The following KLRG1 variants were observed in gnomAD, a reference collection of about 807,000 sequenced individuals.
The protein encoded by KLRG1 is killer cell lectin like receptor G1, also known as killer cell lectin-like receptor subfamily G member 1.
KLRG1 carries 16 observed loss-of-function variants against 21.8 expected under a neutral mutation model. That is an observed-to-expected ratio of 0.73 (90% CI 0.50 to 1.11). The LOEUF (loss-of-function observed/expected upper bound fraction) is 1.11, where lower values mean the gene tolerates loss of function less well. KLRG1 is among the 50% of genes most tolerant of loss of function. The pLI is 0.00. For synonymous variants in KLRG1, 69 were observed against 75.9 expected, an observed-to-expected ratio of 0.91 and a Z score of 0.47; for missense variants, 173 against 218.3, an observed-to-expected ratio of 0.79 and a Z score of 1.31.
chr12:9,104,051 G>T, the KLRG1 span, among the ~76,000 whole-genome samples: 1 of 152,052 alleles, frequency 6.6e-6, no homozygotes, highest in Non-Finnish European at 1.5e-5. Context: ...AGTCTAACCC[G>T]CACTTTTAAT....
chr12:9,165,766 G>A, the KLRG1 span, among the ~76,000 whole-genome samples: 1 of 152,196 alleles, frequency 6.6e-6, no homozygotes, highest in Non-Finnish European at 1.5e-5. Context: ...GATATTTACA[G>A]AAGGCTCCCT....
intron 1 of KLRG1, among the ~76,000 whole-genome samples, chr12:8,969,369 G>C (rs11834163): frequency 6.6e-6 from 1 of 151,932 alleles, no homozygotes; most frequent in Non-Finnish European, 1.5e-5. Context: ...CTCCCAGGCT[G>C]TTGCTCAGTG....
chr12:8,962,583 G>A (rs956404539), intron 1 of KLRG1, among the ~76,000 whole-genome samples: 2 of 151,872 alleles, frequency 1.3e-5, no homozygotes, highest in African/African-American at 4.8e-5. Flanking sequence ...GGGCTTGGTG[G>A]TGAACACCTA....
chr12:9,052,717 G>A, the KLRG1 span: 1 of 401,346 alleles, frequency 2.5e-6, no homozygotes, highest in Non-Finnish European at 4.9e-6. Context: ...TTAAAATCTT[G>A]CCTCATTTTT....
the KLRG1 span, chr12:9,099,491 T>G: frequency 6.2e-7 from 1 of 1,610,332 alleles, no homozygotes; most frequent in African/African-American, 1.3e-5. Context: ...ATGTCTGACT[T>G]CACAGGGATT....
chr12:9,012,601 G>A (rs748694147), downstream of KLRG1, among the ~76,000 whole-genome samples: 2 of 151,536 alleles, frequency 1.3e-5, no homozygotes, highest in African/African-American at 2.4e-5. Flanking sequence ...GAAATTAGAG[G>A]GAGTTTGGAC....
chr12:9,109,221 T>C, the KLRG1 span: 4 of 848,272 alleles, frequency 4.7e-6, no homozygotes, highest in African/African-American at 6.8e-5. Context: ...CTTAAAATTT[T>C]TGTGTTGCCA....
chr12:9,015,796 A>G, the KLRG1 span, among the ~76,000 whole-genome samples: 1 of 152,206 alleles, frequency 6.6e-6, no homozygotes, highest in Non-Finnish European at 1.5e-5. Flanking sequence ...AAAAATTGAA[A>G]TCATGTCAGT....
chr12:9,185,983 T>G, the KLRG1 span, among the ~76,000 whole-genome samples: 3 of 151,852 alleles, frequency 2.0e-5, no homozygotes, highest in African/African-American at 7.3e-5. Flanking sequence ...AATTTTTGTA[T>G]TTTTAGTAGA....
the KLRG1 span, among the ~76,000 whole-genome samples, chr12:9,038,447 G>T: frequency 3.3e-5 from 5 of 152,326 alleles, no homozygotes; most frequent in Non-Finnish European, 7.3e-5. Flanking sequence ...ATTTCACCTA[G>T]ATTATCTAGG....
the KLRG1 span, chr12:9,157,871 C>T: frequency 3.2e-6 from 5 of 1,563,280 alleles, no homozygotes; most frequent in South Asian, 4.5e-5. Context: ...TTGATTAATT[C>T]CAGTGCCAAG....
chr12:9,129,092 G>C, the KLRG1 span, among the ~76,000 whole-genome samples: 1 of 152,044 alleles, frequency 6.6e-6, no homozygotes, highest in Non-Finnish European at 1.5e-5. Context: ...TCAAAAGATA[G>C]TTTCAAGAAA....
the KLRG1 span, among the ~76,000 whole-genome samples, chr12:9,122,477 T>G: frequency 5.3e-5 from 8 of 152,202 alleles, no homozygotes; most frequent in African/African-American, 1.9e-4. Flanking sequence ...CCAACTTTAC[T>G]TAATTACTCA....
chr12:9,098,805 C>T, the KLRG1 span: 3 of 1,592,936 alleles, frequency 1.9e-6, no homozygotes, highest in Middle Eastern at 1.7e-4. Context: ...CAGGTTTACC[C>T]ATGCATTCAC....
At chr12:9,215,363 A>T in the KLRG1 span, among the ~76,000 whole-genome samples, 1 of 152,066 alleles carries the variant, frequency 6.6e-6, no homozygotes, top group Non-Finnish European at 1.5e-5. Context: ...GCTTGACACA[A>T]GATCAAACAA....
the KLRG1 span, chr12:9,079,381 A>T: frequency 6.5e-7 from 1 of 1,539,792 alleles, no homozygotes; most frequent in Non-Finnish European, 9.0e-7. Flanking sequence ...GTGCATGCTG[A>T]GGGTGGAGAA....
intron 3 of KLRG1, among the ~76,000 whole-genome samples, chr12:8,997,730 A>C (rs900825699): frequency 6.6e-6 from 1 of 152,196 alleles, no homozygotes; most frequent in East Asian, 1.9e-4. Context: ...CAATAATAAC[A>C]GAGGCTACCA....
the KLRG1 span, among the ~76,000 whole-genome samples, chr12:9,186,756 A>G: frequency 4.6e-5 from 7 of 151,978 alleles, no homozygotes; most frequent in South Asian, 8.4e-4. Context: ...CAAGAACAGA[A>G]AACCAAACAC....
chr12:9,069,906 G>C, the KLRG1 span: 1 of 1,062,008 alleles, frequency 9.4e-7, no homozygotes, highest in South Asian at 1.3e-5. Flanking sequence ...AAATAACCCT[G>C]AGGGTAGAAT....
Sources: allele counts gnomAD v4.1 joint callset (sites outside exome capture counted in the v4.1 genomes callset), GRCh38; gene constraint gnomAD v4.1.1; transcripts MANE v1.5; gene names NCBI Gene and HGNC (gene_info 2026-07-23, HGNC 2026-07-21).